The following SORCS2 variants were observed in gnomAD, a reference collection of about 807,000 sequenced individuals.
SORCS2 encodes the protein VPS10 domain-containing receptor SorCS2.
SORCS2 carries 100 observed loss-of-function variants against 141.6 expected under a neutral mutation model. That is an observed-to-expected ratio of 0.71 (90% CI 0.60 to 0.83). The LOEUF (loss-of-function observed/expected upper bound fraction) is 0.83, where lower values mean the gene tolerates loss of function less well. Ranked by LOEUF, SORCS2 falls within the 40% of genes least tolerant of loss-of-function variation. The pLI, the probability that SORCS2 is intolerant of heterozygous loss-of-function variation, is 0.00. For missense variants in SORCS2, 1,646 were observed against 1,560.2 expected (o/e 1.05, Z -0.93); for synonymous variants, 789 against 676.9 (o/e 1.17, Z -2.57).
chr4:7,208,023 G>C (rs563825177), intron 1 of SORCS2, among the ~76,000 whole-genome samples: 1 of 152,170 alleles, frequency 6.6e-6, no homozygotes, highest in East Asian at 1.9e-4. Flanking sequence ...CCTTCTCCCA[G>C]GATCCCACCT....
chr4:7,596,628 C>T (rs1368859438), intron 3 of SORCS2, among the ~76,000 whole-genome samples: 1 of 152,224 alleles, frequency 6.6e-6, no homozygotes, highest in African/African-American at 2.4e-5. Context: ...TTGCAAAGGA[C>T]ATTCCAGGAG....
At chr4:7,484,159 G>A (rs142742968) in intron 2 of SORCS2, among the ~76,000 whole-genome samples, 60 of 152,254 alleles carry the variant, frequency 3.9e-4, no homozygotes, top group Admixed American at 6.5e-4. Context: ...CCATCCCAGC[G>A]GTCCCGGTAA....
chr4:7,297,968 A>G (rs1423324403), intron 1 of SORCS2, among the ~76,000 whole-genome samples: 1 of 152,228 alleles, frequency 6.6e-6, no homozygotes, highest in African/African-American at 2.4e-5. Flanking sequence ...TGCAGGCCAC[A>G]TCTGGATACC....
intron 15 of SORCS2, 77 bp downstream of exon 15, chr4:7,712,930 C>G: frequency 6.4e-7 from 1 of 1,574,342 alleles, no homozygotes; most frequent in East Asian, 2.3e-5. Context: ...TGCCAAAGTC[C>G]TCCCCTGCAA....
intron 3 of SORCS2, among the ~76,000 whole-genome samples, chr4:7,606,202 G>A (rs904867663): frequency 6.6e-6 from 1 of 152,260 alleles, no homozygotes; most frequent in East Asian, 1.9e-4. Context: ...ACTCTTTGAA[G>A]GTGAGCTACA....
chr4:7,400,797 GGATT>G (rs1242391794), intron 2 of SORCS2, among the ~76,000 whole-genome samples: 2 of 145,752 alleles, frequency 1.4e-5, no homozygotes, highest in Admixed American at 6.9e-5. Context: ...ATAGATGAAT[GGATT>G]GATAGATGGA....
At chr4:7,689,150 G>T (rs934874263) in intron 10 of SORCS2, among the ~76,000 whole-genome samples, 2 of 152,122 alleles carry the variant, frequency 1.3e-5, no homozygotes, top group African/African-American at 2.4e-5. Context: ...AGCCCCAGCA[G>T]CTGCATCCGT....
At chr4:7,692,716 C>T (rs1286360063) in intron 11 of SORCS2, among the ~76,000 whole-genome samples, 1 of 152,192 alleles carries the variant, frequency 6.6e-6, no homozygotes, top group Non-Finnish European at 1.5e-5. Context: ...GGTATGGGCA[C>T]TCGATTCTTC....
intron 18 of SORCS2, among the ~76,000 whole-genome samples, chr4:7,721,066 G>A (rs967997483): frequency 6.6e-6 from 1 of 152,236 alleles, no homozygotes; most frequent in South Asian, 2.1e-4. Context: ...ATTCACAAAG[G>A]CCAGAAACTC....
At position 7,574,985 on chromosome 4, in the gene SORCS2, C is replaced by T. The variant is rs538787041; in HGVS notation, c.648+43356C>T. On this transcript the variant is annotated intron_variant, in intron 3 of 26. Coordinates refer to ENST00000507866, the MANE Select transcript of SORCS2 (RefSeq NM_020777.3). ...CAGATGCCTGAGAGCCCCATTGTCT[C>T]ACCTCAGTGAAGGGGACAGAGAGAT... Among the ~76,000 whole-genome samples the T allele has an allele frequency of 2.6e-5, 4 of 152,358 alleles. No homozygotes were observed. The South Asian group carries it at 8.3e-4, about 32-fold the overall frequency.
chr4:7,654,589 C>T (rs1721643125), intron 5 of SORCS2, among the ~76,000 whole-genome samples: 1 of 152,190 alleles, frequency 6.6e-6, no homozygotes, highest in South Asian at 2.1e-4. Context: ...CAGCACCCGG[C>T]CCACCACTCC....
rs529221256 is a variant in SORCS2, at chr4:7,340,782, C to T, written c.481-55506C>T. Among the ~76,000 whole-genome samples, 388 of 147,548 alleles carry T rather than the reference C, an allele frequency of 2.6e-3. 1 individual carries two copies. Among genetic ancestry groups the T allele is most frequent in the African/African-American group, 8.4e-3 (345 of 41,076 alleles). ...TGGGGCCCCAGGGGGCATTTAGTGA[C>T]GCCCCCTATTCCCATCCTGCGCTTG... On this transcript the variant is annotated intron_variant, in intron 1 of 26. Transcript: ENST00000507866.
At chr4:7,543,715 T>C (rs1194791882) in intron 3 of SORCS2, among the ~76,000 whole-genome samples, 4 of 6,384 alleles carry the variant, frequency 6.3e-4, no homozygotes, top group Non-Finnish European at 5.2e-4. Flanking sequence ...CATCCACCCA[T>C]CCACCCATCC....
intron 6 of SORCS2, among the ~76,000 whole-genome samples, chr4:7,662,220 A>ACCCTCCCCC: frequency 1.2e-5 from 1 of 82,208 alleles, no homozygotes; most frequent in East Asian, 4.7e-4. Context: ...GTGGCTCCCC[A>ACCCTCCCCC]CCCTCCCCCC....
chr4:7,628,716 G>C (rs1467505484), intron 3 of SORCS2, among the ~76,000 whole-genome samples: 1 of 151,986 alleles, frequency 6.6e-6, no homozygotes, highest in South Asian at 2.1e-4. Context: ...ACAAATGGAG[G>C]GGGTGGGGAG....
rs982870731 is a variant in SORCS2, at chr4:7,664,982, G to A, written c.1071+511G>A. ...TTTTCTTCACCTTCATGGATGGGGA[G>A]CTCAGCCCTCCCGAAACAGCCTAGC... On this transcript the variant is annotated intron_variant, in intron 7 of 26. Coordinates refer to ENST00000507866, the MANE Select transcript of SORCS2 (RefSeq NM_020777.3). The surrounding 1 kb of genome is among the most constrained non-coding windows in gnomAD (Gnocchi z 4.7). Among the ~76,000 whole-genome samples the A allele has an allele frequency of 9.9e-5, 15 of 152,182 alleles. No individual in the cohort carries two copies. The highest frequency in any genetic ancestry group is 1.3e-4 in the Admixed American group (2 of 15,274).
chr4:7,574,758 G>T (rs1178293264), intron 3 of SORCS2, among the ~76,000 whole-genome samples: 3 of 152,176 alleles, frequency 2.0e-5, no homozygotes, highest in African/African-American at 7.2e-5. Context: ...GAGGAAGGGC[G>T]GCTCCTCTGA....
intron 1 of SORCS2, among the ~76,000 whole-genome samples, chr4:7,229,246 C>T (rs935022759): frequency 1.3e-5 from 2 of 152,070 alleles, no homozygotes; most frequent in South Asian, 2.1e-4. Flanking sequence ...ACATCTCCTT[C>T]CCCCATAATT....
At chr4:7,655,140 C>T (rs1041449273) in intron 5 of SORCS2, among the ~76,000 whole-genome samples, 3 of 152,032 alleles carry the variant, frequency 2.0e-5, no homozygotes, top group Admixed American at 6.5e-5. Context: ...GGTCACACTG[C>T]CTTTCATGTT....
Sources: gnomAD v4.1 joint callset for allele counts (sites outside exome capture counted in the v4.1 genomes callset) on GRCh38, gnomAD v4.1.1 for gene constraint, Gnocchi (gnomAD v3.1) non-coding constraint, MANE v1.5 for transcripts, NCBI Gene and HGNC (gene_info 2026-07-23, HGNC 2026-07-21) for gene names.